The following TAFA1 variants were observed in gnomAD, a reference collection of about 807,000 sequenced individuals.
The protein encoded by TAFA1 is TAFA chemokine like family member 1.
Under a neutral mutation model 18.5 loss-of-function variants are expected in TAFA1, and 4 were observed. The ratio of observed to expected loss-of-function variants is 0.22; its 90% confidence interval spans 0.11 to 0.49. The LOEUF (loss-of-function observed/expected upper bound fraction) is 0.49, where lower values mean the gene tolerates loss of function less well. Ranked by LOEUF, TAFA1 falls within the 20% of genes least tolerant of loss-of-function variation. The pLI, the probability that TAFA1 is intolerant of heterozygous loss-of-function variation, is 0.98. For missense variants in TAFA1, 147 were observed against 169.0 expected (o/e 0.87, Z 0.72); for synonymous variants, 56 against 55.2 (o/e 1.01, Z -0.06).
Position 68,437,777 on chromosome 3 carries a change from A to C in TAFA1, c.259+20357A>C, listed in dbSNP as rs183897037. Among the ~76,000 whole-genome samples the C allele has an allele frequency of 4.7e-4, 71 of 152,158 alleles. 1 individual carries two copies. In the South Asian group the frequency reaches 0.013, roughly 29 times the overall value. The stretch of plus-strand genomic sequence containing the variant: ...TTTAACATAAGTTTTGGAGGGTACA[A>C]ATTTTCAAACCATAGCATTCTACCC... On this transcript the variant is annotated intron_variant, in intron 3 of 4. Coordinates refer to ENST00000478136, the MANE Select transcript of TAFA1 (RefSeq NM_213609.4).
chr3:68,250,286 C>T (rs913687881), intron 2 of TAFA1, among the ~76,000 whole-genome samples: 7 of 152,110 alleles, frequency 4.6e-5, no homozygotes, highest in South Asian at 2.1e-4. Flanking sequence ...TTACTGTTTA[C>T]GCATTTGGGC....
intron 2 of TAFA1, among the ~76,000 whole-genome samples, chr3:68,093,841 A>T (rs955354985): frequency 1.3e-5 from 2 of 152,068 alleles, no homozygotes; most frequent in Non-Finnish European, 2.9e-5. Context: ...TCCCCCTTAA[A>T]TGAGAACTTA....
chr3:68,196,720 T>G (rs2066415025), intron 2 of TAFA1, among the ~76,000 whole-genome samples: 1 of 151,760 alleles, frequency 6.6e-6, no homozygotes, highest in Non-Finnish European at 1.5e-5. Context: ...TCTCACAGAC[T>G]GGCTCTTTCA....
intron 3 of TAFA1, among the ~76,000 whole-genome samples, chr3:68,521,552 C>T (rs1299956763): frequency 6.6e-6 from 1 of 152,084 alleles, no homozygotes; most frequent in Non-Finnish European, 1.5e-5. Flanking sequence ...AGCACAATAC[C>T]ATAGAAGCCT....
intron 2 of TAFA1, among the ~76,000 whole-genome samples, chr3:68,310,958 G>A (rs2068506291): frequency 6.6e-6 from 1 of 152,102 alleles, no homozygotes; most frequent in African/African-American, 2.4e-5. Flanking sequence ...CCGAGCCTGG[G>A]CAATTTAAAA....
chr3:68,322,157 T>G (rs1559616586), intron 2 of TAFA1, among the ~76,000 whole-genome samples: 1 of 152,232 alleles, frequency 6.6e-6, no homozygotes. Flanking sequence ...TAAAATTACA[T>G]ATACAAGTAC....
intron 2 of TAFA1, among the ~76,000 whole-genome samples, chr3:68,414,804 G>T (rs2070779940): frequency 6.6e-6 from 1 of 152,144 alleles, no homozygotes; most frequent in African/African-American, 2.4e-5. Context: ...TGTGTCCGTT[G>T]ACTTGACTGT....
chr3:68,385,158 T>C (rs1351677949), intron 2 of TAFA1, among the ~76,000 whole-genome samples: 1 of 152,058 alleles, frequency 6.6e-6, no homozygotes, highest in Non-Finnish European at 1.5e-5. Flanking sequence ...TAATAGAGCC[T>C]ACCTCACTGG....
At chr3:68,340,627 A>AT (rs1263826355) in intron 2 of TAFA1, among the ~76,000 whole-genome samples, 3 of 151,946 alleles carry the variant, frequency 2.0e-5, no homozygotes, top group Non-Finnish European at 4.4e-5. Flanking sequence ...TTTTCTATGG[A>AT]TATTTCCTTG....
intron 2 of TAFA1, among the ~76,000 whole-genome samples, chr3:68,185,097 A>G (rs1001363291): frequency 1.3e-5 from 2 of 152,176 alleles, no homozygotes; most frequent in Non-Finnish European, 2.9e-5. Flanking sequence ...ATCAGAGAAG[A>G]CAGACATCTG....
chr3:68,255,430 G>C, intron 2 of TAFA1, among the ~76,000 whole-genome samples: 1 of 152,052 alleles, frequency 6.6e-6, no homozygotes, highest in East Asian at 1.9e-4. Flanking sequence ...GTGTACCAAG[G>C]AAGTATTGAG....
At chr3:68,006,808 G>A (rs561500227) in intron 2 of TAFA1, 64 bp downstream of exon 2, 7 of 1,174,218 alleles carry the variant, frequency 6.0e-6, no homozygotes, top group Non-Finnish European at 9.0e-6. Context: ...TTAACAGATG[G>A]TTGAATGCAA....
intron 2 of TAFA1, among the ~76,000 whole-genome samples, chr3:68,074,683 A>T (rs1258416070): frequency 6.6e-6 from 1 of 152,210 alleles, no homozygotes; most frequent in Admixed American, 6.5e-5. Flanking sequence ...AGGGAGATGA[A>T]ATAATCTACA....
intron 2 of TAFA1, among the ~76,000 whole-genome samples, chr3:68,267,118 C>T (rs749022268): frequency 5.1e-4 from 77 of 152,182 alleles, no homozygotes; most frequent in Non-Finnish European, 8.5e-4. Flanking sequence ...AAGTTTATTC[C>T]GACTCATTTG....
At chr3:68,517,927 AACAC>A (rs5849854) in intron 3 of TAFA1, among the ~76,000 whole-genome samples, 18 of 150,682 alleles carry the variant, frequency 1.2e-4, no homozygotes, top group Middle Eastern at 3.4e-3. Flanking sequence ...CTTGCTGATA[AACAC>A]ACACACACAC....
At chr3:68,498,722 CTTTTTTTTT>C (rs34030223) in intron 3 of TAFA1, among the ~76,000 whole-genome samples, 10 of 97,030 alleles carry the variant, frequency 1.0e-4, no homozygotes, top group African/African-American at 4.3e-4. Flanking sequence ...CGTTTGGTGG[CTTTTTTTTT>C]TTTTTTTTTT....
At chr3:68,428,034 A>G (rs1383982970) in intron 3 of TAFA1, among the ~76,000 whole-genome samples, 1 of 151,938 alleles carries the variant, frequency 6.6e-6, no homozygotes, top group Non-Finnish European at 1.5e-5. Flanking sequence ...ATTTCTTTAT[A>G]GGACTATGAA....
chr3:68,313,920 C>A (rs980555490), intron 2 of TAFA1, among the ~76,000 whole-genome samples: 12 of 152,102 alleles, frequency 7.9e-5, no homozygotes, highest in African/African-American at 2.9e-4. Context: ...TATTAGCCTG[C>A]AGATATCAAA....
intron 3 of TAFA1, among the ~76,000 whole-genome samples, chr3:68,447,094 G>T (rs927452477): frequency 6.6e-6 from 1 of 152,156 alleles, no homozygotes; most frequent in African/African-American, 2.4e-5. Context: ...ATGTTGGAAT[G>T]ATGCCCCATA....
Sources: allele counts gnomAD v4.1 joint callset (sites outside exome capture counted in the v4.1 genomes callset), GRCh38; gene constraint gnomAD v4.1.1; transcripts MANE v1.5; gene names NCBI Gene and HGNC (gene_info 2026-07-23, HGNC 2026-07-21).